The following RYR3 variants were observed in gnomAD, a reference collection of about 807,000 sequenced individuals.
The protein encoded by RYR3 is ryanodine receptor 3, also known as brain ryanodine receptor-calcium release channel.
A neutral mutation model predicts 584.3 loss-of-function variants in RYR3; 207 were observed. The ratio of observed to expected loss-of-function variants is 0.35; its 90% CI spans 0.32 to 0.40. The LOEUF is 0.40. Among genes scored for constraint, RYR3 ranks in the 10% least tolerant of loss-of-function variants. The pLI is 1.00. For missense variants in RYR3, 5,616 were observed against 6,089.2 expected, an observed-to-expected ratio of 0.92 and a Z score of 2.59; for synonymous variants, 2,416 against 2,248.5, an observed-to-expected ratio of 1.07 and a Z score of -2.11.
chr15:33,844,917 C>G lies in RYR3; in HGVS notation c.13352C>G (p.Ser4451Cys), dbSNP rs2078619276. Residue 4451 changes from serine (S) to cysteine (C), a missense_variant, in exon 93 of 104, where the codon TCC (serine) becomes TGC (cysteine). Physicochemically the swap from Ser to Cys is moderately radical, Grantham distance 112. Coordinates refer to ENST00000634891, the MANE Select transcript of RYR3 (RefSeq NM_001036.6). ...GAGGATGTTGCAAACCTATGGAATT[C>G]CTTTAATGACGAGGAAGAGGAAGAA... ...ETEDVANLWN[S>C]FNDEEEEEAM... is the part of the protein sequence containing the mutation. 2 of 1,613,880 alleles carry G rather than the reference C, an allele frequency of 1.2e-6. No homozygotes were observed. Among genetic ancestry groups the G allele is most frequent in the East Asian group, 4.5e-5 (2 of 44,882 alleles).
rs1261455169 is a variant in RYR3 at position 33,700,777 on chromosome 15, G to A, written c.6380-200G>A. Among the ~76,000 whole-genome samples the A allele has an allele frequency of 2.6e-5, 4 of 152,126 alleles. 1 individual carries two copies. The highest frequency in any genetic ancestry group is 4.2e-4 in the South Asian group (2 of 4,818). ...CGATTTTGTATTAATTCGTATTCAC[G>A]GCAATGAATGTGGGGAGGAAGGATA... On this transcript the variant is annotated intron_variant, in intron 41 of 103. Transcript: ENST00000634891.
intron 89 of RYR3, 151 bp from the exon 90 acceptor site, chr15:33,840,674 G>A (rs4780184): frequency 0.28 from 191,624 of 681,956 alleles, 29,710 homozygotes; most frequent in South Asian, 0.4. Context: ...GACATATATA[G>A]CAGGACACTT....
intron 15 of RYR3, 84 bp from the exon 16 acceptor site, chr15:33,585,914 A>G: frequency 1.3e-6 from 1 of 766,624 alleles, no homozygotes; most frequent in South Asian, 1.5e-5. Context: ...CTCAGGAAGG[A>G]CTGTTCATAC....
chr15:33,644,751 C>G (rs1363783209), intron 28 of RYR3, among the ~76,000 whole-genome samples: 1 of 152,212 alleles, frequency 6.6e-6, no homozygotes, highest in African/African-American at 2.4e-5. Flanking sequence ...CAGATCAACT[C>G]TCAACATTTT....
chr15:33,825,732 TTTTTTTTTTTTTTTC>T, intron 82 of RYR3, 56 bp downstream of exon 82: 1 of 753,162 alleles, frequency 1.3e-6, no homozygotes, highest in Non-Finnish European at 2.0e-6. Context: ...TCTTTTTTTT[TTTTTTTTTTTTTTTC>T]CCCATACAGA....
In RYR3 at chr15:33,725,178, C is replaced by CACACACACACACACACACACACATATAT. The variant is rs1567030883; in HGVS notation, c.6912+1025_6912+1026insTATATACACACACACACACACACACACA. Among the ~76,000 whole-genome samples the CACACACACACACACACACACACATATAT allele has an allele frequency of 9.9e-5, 12 of 120,936 alleles. No homozygotes were observed. The South Asian group carries it at 1.6e-3, about 17-fold the overall frequency. 79.3% of individuals were successfully genotyped at this position (120,936 alleles called of 152,430 possible). On this transcript the variant is annotated intron_variant, in intron 45 of 103. Transcript: ENST00000634891. ...TTACACACACACACACACACACACA[C>CACACACACACACACACACACACATATAT]ACACACACACACACACACACACACA...
chr15:33,766,288 GAAAAAAAA>G (rs66478931), intron 60 of RYR3, among the ~76,000 whole-genome samples: 6 of 134,078 alleles, frequency 4.5e-5, no homozygotes, highest in South Asian at 4.7e-4. Context: ...ACCTCAAAAA[GAAAAAAAA>G]AAAAAGAAAA....
intron 12 of RYR3, 40 bp downstream of exon 12, chr15:33,566,839 C>T: frequency 1.2e-6 from 2 of 1,610,832 alleles, no homozygotes; most frequent in Non-Finnish European, 1.7e-6. Context: ...GTGAGTTTGA[C>T]TCTGTGGCCT....
At chr15:33,393,693 G>C (rs935260383) in intron 1 of RYR3, among the ~76,000 whole-genome samples, 1 of 152,160 alleles carries the variant, frequency 6.6e-6, no homozygotes, top group African/African-American at 2.4e-5. Context: ...TTTGCATGTT[G>C]GTCGTTTGGT....
chr15:33,803,633 A>G (rs2152933754), intron 69 of RYR3, among the ~76,000 whole-genome samples: 1 of 152,188 alleles, frequency 6.6e-6, no homozygotes, highest in East Asian at 1.9e-4. Flanking sequence ...CTTCTGCCTC[A>G]GCCTCCCAAA....
intron 69 of RYR3, chr15:33,802,237 G>A (rs1308896979): frequency 7.5e-6 from 4 of 531,070 alleles, no homozygotes; most frequent in Admixed American, 2.4e-5. Context: ...CAAAACAAAA[G>A]CTGCTGTTAG....
At chr15:33,750,834 T>C (rs1000381593) in intron 57 of RYR3, among the ~76,000 whole-genome samples, 2 of 152,170 alleles carry the variant, frequency 1.3e-5, no homozygotes, top group Non-Finnish European at 2.9e-5. Flanking sequence ...TAACCTGTCA[T>C]CTACATTTGG....
intron 28 of RYR3, 97 bp from the exon 29 acceptor site, chr15:33,646,254 A>G: frequency 9.6e-7 from 1 of 1,040,246 alleles, no homozygotes. Flanking sequence ...TGTAGTTCAC[A>G]GAATGCCTTG....
intron 48 of RYR3, 70 bp from the exon 49 acceptor site, chr15:33,736,165 G>A: frequency 9.8e-7 from 1 of 1,019,104 alleles, no homozygotes; most frequent in Non-Finnish European, 1.5e-6. Flanking sequence ...ATTGTTCAGT[G>A]TTTCTTTCAT....
chr15:33,517,694 G>C (rs757396189), intron 3 of RYR3, among the ~76,000 whole-genome samples: 2 of 152,070 alleles, frequency 1.3e-5, no homozygotes, highest in Non-Finnish European at 2.9e-5. Context: ...TCTACCCCAG[G>C]ACATGACATT....
At chr15:33,814,446 TG>T (rs767354409) in intron 74 of RYR3, among the ~76,000 whole-genome samples, 1 of 152,228 alleles carries the variant, frequency 6.6e-6, no homozygotes, top group Non-Finnish European at 1.5e-5. Context: ...TAAATAAATG[TG>T]TTTCTTTGGA....
intron 34 of RYR3, 66 bp from the exon 35 acceptor site, chr15:33,662,087 T>G: frequency 1.7e-4 from 230 of 1,365,974 alleles, no homozygotes; most frequent in Middle Eastern, 2.7e-4. Context: ...TTGGGCTGGA[T>G]GAAATAGCTG....
intron 60 of RYR3, among the ~76,000 whole-genome samples, chr15:33,766,730 A>G (rs771895157): frequency 1.3e-5 from 2 of 152,214 alleles, no homozygotes; most frequent in Admixed American, 6.5e-5. Flanking sequence ...ATGTGTCTGC[A>G]TTGCCAGATT....
At chr15:33,672,060 C>T (rs1248369783) in intron 38 of RYR3, among the ~76,000 whole-genome samples, 1 of 151,972 alleles carries the variant, frequency 6.6e-6, no homozygotes, top group Non-Finnish European at 1.5e-5. Context: ...GCAGTCTGCC[C>T]TCCTCAGCCT....
Sources: allele counts gnomAD v4.1 joint callset (sites outside exome capture counted in the v4.1 genomes callset), GRCh38; gene constraint gnomAD v4.1.1; transcripts MANE v1.5; gene names NCBI Gene and HGNC (gene_info 2026-07-23, HGNC 2026-07-21).